Variants in LDLRAD4 observed in about 807,000 individuals in gnomAD.
The protein encoded by LDLRAD4 is low density lipoprotein receptor class A domain containing 4.
In LDLRAD4, 5 loss-of-function variants were observed where a neutral mutation model predicts 17.0. That is an observed-to-expected ratio of 0.29 (90% CI 0.15 to 0.62). LDLRAD4 has a LOEUF of 0.62. Among genes scored for constraint, LDLRAD4 ranks in the 20% least tolerant of loss-of-function variants. The pLI, the probability that LDLRAD4 is intolerant of heterozygous loss-of-function variation, is 0.84. For synonymous variants in LDLRAD4, 168 were observed against 171.8 expected (o/e 0.98, Z 0.17); for missense variants, 340 against 424.7 (o/e 0.80, Z 1.75).
chr18:13,492,549 TG>T (rs1220701893), intron 3 of LDLRAD4, among the ~76,000 whole-genome samples: 1 of 152,210 alleles, frequency 6.6e-6, no homozygotes, highest in Admixed American at 6.5e-5. Context: ...GTAGAACGCC[TG>T]GCCTCATCAA....
At chr18:13,422,022 G>A (rs771611761) in intron 2 of LDLRAD4, among the ~76,000 whole-genome samples, 1 of 152,224 alleles carries the variant, frequency 6.6e-6, no homozygotes, top group Non-Finnish European at 1.5e-5. Context: ...GAACTCCCCC[G>A]GGGAGGAGCT....
chr18:13,364,273 T>TC (rs1415937995), intron 1 of LDLRAD4, among the ~76,000 whole-genome samples: 3 of 152,230 alleles, frequency 2.0e-5, no homozygotes, highest in African/African-American at 4.8e-5. Flanking sequence ...TCCATTTTTT[T>TC]CCCACAGTGA....
chr18:13,449,828 C>T (rs1405643030), intron 3 of LDLRAD4, among the ~76,000 whole-genome samples: 1 of 152,142 alleles, frequency 6.6e-6, no homozygotes, highest in Non-Finnish European at 1.5e-5. Context: ...CCGCCGCAGG[C>T]CCTTGCATGC....
In LDLRAD4 at chr18:13,473,678, T is replaced by TATATATATATATATATATAA. The variant is rs374731826; in HGVS notation, c.181+35295_181+35296insTATATATATATATATATAAA. Among the ~76,000 whole-genome samples the TATATATATATATATATATAA allele has an allele frequency of 2.4e-4, 19 of 79,946 alleles. 4 individuals carry two copies. Among genetic ancestry groups the TATATATATATATATATATAA allele is most frequent in the South Asian group, 4.2e-4 (1 of 2,376 alleles). 52.4% of individuals were successfully genotyped at this position (79,946 alleles called of 152,430 possible). A position where few individuals can be genotyped will look rare whatever the true frequency, so the allele number is the denominator to read the frequency against. On this transcript the variant is annotated intron_variant, in intron 3 of 5. Coordinates refer to ENST00000359446, the Ensembl canonical transcript of LDLRAD4. ...ATATATATATATATATATATATATA[T>TATATATATATATATATATAA]AACGTTTACATTTTATATATATTTA...
In LDLRAD4 at chr18:13,550,808, C is replaced by A. The variant is rs2094425328; in HGVS notation, c.182-70309C>A. Among the ~76,000 whole-genome samples, 4 of 152,258 alleles carry A rather than the reference C, an allele frequency of 2.6e-5. No individual in the cohort carries two copies. The South Asian group carries it at 8.3e-4, about 32-fold the overall frequency. On this transcript the variant is annotated intron_variant, in intron 3 of 5. Transcript: ENST00000359446. ...GTCCGAGTCCCGCTGTGAGTGGTGT[C>A]CAGAACCTGGCTCCAAGTCCCTTCC...
chr18:13,579,852 A>G (rs902584537), intron 3 of LDLRAD4, among the ~76,000 whole-genome samples: 2 of 152,026 alleles, frequency 1.3e-5, no homozygotes, highest in African/African-American at 2.4e-5. Context: ...AACTTTTGAA[A>G]CGCAGTCTGT....
intron 3 of LDLRAD4, chr18:13,487,119 A>G (rs114792557): frequency 3.6e-4 from 55 of 152,300 alleles, no homozygotes; most frequent in African/African-American, 1.3e-3. Context: ...TTTTCCTTAC[A>G]TGAAACTTTG....
At chr18:13,270,075 T>TGTGGAGGCTGGGC (rs1159327326) in intron 1 of LDLRAD4, among the ~76,000 whole-genome samples, 1 of 151,996 alleles carries the variant, frequency 6.6e-6, no homozygotes, top group African/African-American at 2.4e-5. Context: ...TTGCTAGAAA[T>TGTGGAGGCTGGGC]GTGGAGGCTG....
chr18:13,608,351 G>T (rs943566414), intron 3 of LDLRAD4, among the ~76,000 whole-genome samples: 1 of 151,670 alleles, frequency 6.6e-6, no homozygotes, highest in Non-Finnish European at 1.5e-5. Context: ...GCAACTGGAG[G>T]GGGAGGCAGC....
chr18:13,642,921 ATTTTTTGT>A (rs1455415926), intron 4 of LDLRAD4, among the ~76,000 whole-genome samples: 26 of 126,528 alleles, frequency 2.1e-4, no homozygotes, highest in East Asian at 8.3e-4. Flanking sequence ...TTGTTTATCT[ATTTTTTGT>A]TTTTTTTTTT....
chr18:13,356,873 C>T (rs1195876725), intron 1 of LDLRAD4, among the ~76,000 whole-genome samples: 1 of 152,262 alleles, frequency 6.6e-6, no homozygotes, highest in African/African-American at 2.4e-5. Flanking sequence ...TTGGCTCACG[C>T]CTGTAATCCC....
intron 3 of LDLRAD4, among the ~76,000 whole-genome samples, chr18:13,507,585 T>C (rs2093714929): frequency 6.6e-6 from 1 of 152,190 alleles, no homozygotes. Flanking sequence ...TTAGGTTGGC[T>C]CCATATCTTT....
intron 1 of LDLRAD4, among the ~76,000 whole-genome samples, chr18:13,371,697 G>A (rs144216344): frequency 2.6e-5 from 4 of 151,230 alleles, no homozygotes; most frequent in South Asian, 2.1e-4. Flanking sequence ...CCCGAGAGGC[G>A]GAGGTTGCAG....
At chr18:13,322,995 G>A (rs1171725704) in intron 1 of LDLRAD4, among the ~76,000 whole-genome samples, 1 of 152,046 alleles carries the variant, frequency 6.6e-6, no homozygotes, top group African/African-American at 2.4e-5. Flanking sequence ...TCACACAAAC[G>A]CTTTGACTCA....
At chr18:13,247,587 G>A (rs977902977) in intron 1 of LDLRAD4, among the ~76,000 whole-genome samples, 1 of 151,912 alleles carries the variant, frequency 6.6e-6, no homozygotes, top group Admixed American at 6.6e-5. Flanking sequence ...TCCAGTTGAC[G>A]GCCGCCCATT....
At chr18:13,409,308 G>C (rs1005798851) in intron 2 of LDLRAD4, among the ~76,000 whole-genome samples, 2 of 152,208 alleles carry the variant, frequency 1.3e-5, no homozygotes, top group African/African-American at 4.8e-5. Context: ...CAGGGAAGGG[G>C]GAGATGTGTG....
chr18:13,574,776 C>T (rs1050133222), intron 3 of LDLRAD4, among the ~76,000 whole-genome samples: 2 of 152,206 alleles, frequency 1.3e-5, no homozygotes, highest in African/African-American at 4.8e-5. Context: ...AAACAAAGAG[C>T]TTCCTGCTTC....
upstream of LDLRAD4, among the ~76,000 whole-genome samples, chr18:13,276,064 A>G (rs12373272): frequency 0.079 from 12,074 of 152,198 alleles, 673 homozygotes; most frequent in Middle Eastern, 0.12. Context: ...GCTGGAGTGC[A>G]GTGGGTCGAT....
intron 3 of LDLRAD4, among the ~76,000 whole-genome samples, chr18:13,508,020 G>A (rs531943301): frequency 2.7e-5 from 4 of 149,438 alleles, no homozygotes; most frequent in African/African-American, 1.0e-4. Context: ...GAAATTAAAA[G>A]TGCTACTCCA....
Sources: gnomAD v4.1 joint callset for allele counts (sites outside exome capture counted in the v4.1 genomes callset) on GRCh38, gnomAD v4.1.1 for gene constraint, MANE v1.5 for transcripts, NCBI Gene and HGNC (gene_info 2026-07-23, HGNC 2026-07-21) for gene names.